RBFOX1: variants seen among roughly 807,000 people sequenced by gnomAD.
RBFOX1 encodes RNA binding fox-1 homolog 1.
A neutral mutation model predicts 57.7 loss-of-function variants in RBFOX1; 8 were observed. That is an observed-to-expected ratio of 0.14 (90% CI 0.08 to 0.25). The LOEUF (loss-of-function observed/expected upper bound fraction) is 0.25. Ranked by LOEUF, RBFOX1 falls within the 10% of genes least tolerant of loss-of-function variation. RBFOX1 has a pLI of 1.00. For missense variants in RBFOX1, 611 were observed against 548.5 expected, an observed-to-expected ratio of 1.11 and a Z score of -1.14; for synonymous variants, 326 against 222.4, an observed-to-expected ratio of 1.47 and a Z score of -4.15.
chr16:6,046,512 G>C (rs1161037011), intron 1 of RBFOX1, among the ~76,000 whole-genome samples: 1 of 152,092 alleles, frequency 6.6e-6, no homozygotes, highest in African/African-American at 2.4e-5. Flanking sequence ...AAGAATTCAG[G>C]TCTAAAAGTA....
At chr16:5,629,480 C>G (rs2048439074) in intron 3 of RBFOX1, among the ~76,000 whole-genome samples, 1 of 152,244 alleles carries the variant, frequency 6.6e-6, no homozygotes, top group African/African-American at 2.4e-5. Context: ...CCCAAAGCCA[C>G]TGCCCAAAGA....
intron 14 of RBFOX1, among the ~76,000 whole-genome samples, chr16:7,699,881 C>T (rs1479006450): frequency 6.6e-6 from 1 of 151,858 alleles, no homozygotes; most frequent in Admixed American, 6.6e-5. Context: ...TTTGTGTGTC[C>T]CCAAGAACTG....
chr16:6,686,544 G>C (rs17140912), intron 3 of RBFOX1, among the ~76,000 whole-genome samples: 1,574 of 152,198 alleles, frequency 0.01, 26 homozygotes, highest in African/African-American at 0.036. Flanking sequence ...TATACATCTT[G>C]GGAACATTTC....
intron 3 of RBFOX1, among the ~76,000 whole-genome samples, chr16:5,695,807 G>C (rs570023772): frequency 1.3e-5 from 2 of 152,224 alleles, no homozygotes; most frequent in Non-Finnish European, 1.5e-5. Flanking sequence ...TCTTCTAAAG[G>C]AAAGGAGGTA....
At chr16:6,395,679 T>A (rs1035278149) in intron 2 of RBFOX1, among the ~76,000 whole-genome samples, 1 of 152,186 alleles carries the variant, frequency 6.6e-6, no homozygotes. Context: ...TATATCAAGT[T>A]TATATCAATA....
In RBFOX1 at chr16:6,662,891, G is replaced by A. The variant is rs1187681168; in HGVS notation, c.-16+8241G>A. On this transcript the variant is annotated intron_variant, in intron 3 of 15. Coordinates refer to ENST00000550418, the MANE Select transcript of RBFOX1 (RefSeq NM_018723.4). The stretch of plus-strand genomic sequence containing the variant: ...TTAAAACAAATACTCCCATAGACTC[G>A]TAAAACATTTATTGAGAACAGAAAC... Among the ~76,000 whole-genome samples the A allele has an allele frequency of 4.6e-5, 7 of 152,100 alleles. No individual in the cohort carries two copies. In the South Asian group the frequency reaches 8.3e-4, roughly 18 times the overall value.
intron 3 of RBFOX1, among the ~76,000 whole-genome samples, chr16:7,032,483 C>G (rs1301667375): frequency 6.6e-6 from 1 of 152,008 alleles, no homozygotes; most frequent in African/African-American, 2.4e-5. Flanking sequence ...AAAATCCCAT[C>G]TTAATTTTTT....
chr16:7,108,649 T>C lies in RBFOX1; in HGVS notation c.27+56551T>C, dbSNP rs1320915737. On this transcript the variant is annotated intron_variant, in intron 4 of 15. Coordinates refer to ENST00000550418, the MANE Select transcript of RBFOX1 (RefSeq NM_018723.4). ...AAAATAGGAAAGTCTACCCTGAGCA[T>C]AGGAGTTTAAAGCAATGCAACAATT... Among the ~76,000 whole-genome samples, 14 of 152,140 alleles carry C rather than the reference T, an allele frequency of 9.2e-5. No homozygotes were observed. The East Asian group carries it at 2.3e-3, about 25-fold the overall frequency.
intron 4 of RBFOX1, among the ~76,000 whole-genome samples, chr16:7,467,789 T>C (rs527377140): frequency 6.6e-6 from 1 of 152,344 alleles, no homozygotes; most frequent in South Asian, 2.1e-4. Context: ...CTTTGGAAAT[T>C]ACTTTTGCCC....
intron 1 of RBFOX1, among the ~76,000 whole-genome samples, chr16:5,293,562 G>C (rs1479474860): frequency 6.6e-6 from 1 of 152,138 alleles, no homozygotes; most frequent in Non-Finnish European, 1.5e-5. Context: ...TCCACATGTA[G>C]TAGGCACCAA....
intron 2 of RBFOX1, among the ~76,000 whole-genome samples, chr16:6,370,275 G>C (rs577297916): frequency 1.4e-5 from 2 of 144,078 alleles, no homozygotes; most frequent in East Asian, 4.4e-4. Flanking sequence ...GGAGAATAGT[G>C]TGAACTCAGG....
Position 7,713,033 on chromosome 16 carries a change from C to T in RBFOX1, c.*2288C>T, listed in dbSNP as rs1242031758. ...TGCAGAATCTTTTGTCTAGGCACTC[C>T]AAGATGCCAATAAGTCATTTTAAAA... On this transcript the variant is annotated 3_prime_UTR_variant, in exon 16 of 16. Coordinates refer to ENST00000550418, the MANE Select transcript of RBFOX1 (RefSeq NM_018723.4). 2 of 152,088 alleles carry T rather than the reference C, an allele frequency of 1.3e-5. No individual in the cohort carries two copies. The highest frequency in any genetic ancestry group is 2.9e-5 in the Non-Finnish European group (2 of 68,022). The allele number at this position is 152,088 out of a possible 1,614,324, so 9.4% of individuals were successfully genotyped here. A position where few individuals can be genotyped will look rare whatever the true frequency, so the allele number is the denominator to read the frequency against.
At chr16:5,992,790 T>G (rs1183769153) in intron 4 of RBFOX1, among the ~76,000 whole-genome samples, 1 of 152,052 alleles carries the variant, frequency 6.6e-6, no homozygotes, top group South Asian at 2.1e-4. Context: ...AAAAATTAGC[T>G]GGGCATGGTG....
chr16:6,245,614 C>T (rs1190396110), intron 1 of RBFOX1, among the ~76,000 whole-genome samples: 1 of 152,156 alleles, frequency 6.6e-6, no homozygotes, highest in East Asian at 1.9e-4. Flanking sequence ...AAATAACCTT[C>T]TGTGTGCTAG....
At chr16:5,249,388 T>C (rs2062388286) in intron 1 of RBFOX1, among the ~76,000 whole-genome samples, 1 of 152,206 alleles carries the variant, frequency 6.6e-6, no homozygotes, top group African/African-American at 2.4e-5. Context: ...TGCTAGTCTC[T>C]GGGGAGGAAG....
At chr16:6,011,539 G>A (rs2094961286) in intron 4 of RBFOX1, among the ~76,000 whole-genome samples, 1 of 152,140 alleles carries the variant, frequency 6.6e-6, no homozygotes, top group African/African-American at 2.4e-5. Context: ...AATGGGAATA[G>A]TACTACAACT....
At chr16:7,676,334 G>A (rs867472065) in intron 13 of RBFOX1, among the ~76,000 whole-genome samples, 1 of 151,974 alleles carries the variant, frequency 6.6e-6, no homozygotes, top group Non-Finnish European at 1.5e-5. Flanking sequence ...ATAAAAGACA[G>A]GAAAGCATTC....
At chr16:7,077,271 C>T (rs758366695) in intron 4 of RBFOX1, among the ~76,000 whole-genome samples, 1 of 152,320 alleles carries the variant, frequency 6.6e-6, no homozygotes, top group African/African-American at 2.4e-5. Context: ...GTACTGTTAG[C>T]CCCACTGTCT....
At chr16:6,060,208 A>C (rs2095667996) in intron 1 of RBFOX1, among the ~76,000 whole-genome samples, 1 of 143,552 alleles carries the variant, frequency 7.0e-6, no homozygotes, top group African/African-American at 2.6e-5. Context: ...GGAAGGAATA[A>C]GTTTGTTGCT....
Sources: gnomAD v4.1 joint callset for allele counts (sites outside exome capture counted in the v4.1 genomes callset) on GRCh38, gnomAD v4.1.1 for gene constraint, MANE v1.5 for transcripts, NCBI Gene and HGNC (gene_info 2026-07-23, HGNC 2026-07-21) for gene names.